Variants in MAST4 observed in about 807,000 individuals in gnomAD.
MAST4 encodes the protein microtubule associated serine/threonine kinase family member 4, also known as microtubule-associated serine/threonine-protein kinase 4.
A neutral mutation model predicts 162.7 loss-of-function variants in MAST4; 89 were observed. The observed-to-expected ratio is 0.55, with a 90% CI of 0.46 to 0.65. The LOEUF (loss-of-function observed/expected upper bound fraction) is 0.65, where lower values mean the gene tolerates loss of function less well. Ranked by LOEUF, MAST4 falls within the 30% of genes least tolerant of loss-of-function variation. The pLI, the probability that MAST4 is intolerant of heterozygous loss-of-function variation, is 0.00. For synonymous variants in MAST4, 1,479 were observed against 1,361.1 expected, an observed-to-expected ratio of 1.09 and a Z score of -1.91; for missense variants, 3,153 against 3,374.0, an observed-to-expected ratio of 0.93 and a Z score of 1.62.
At chr5:66,763,518 T>A (rs573697591) in intron 2 of MAST4, among the ~76,000 whole-genome samples, 2 of 152,294 alleles carry the variant, frequency 1.3e-5, no homozygotes, top group South Asian at 4.1e-4. Flanking sequence ...TCATATTATC[T>A]AAATAGCTGG....
At chr5:66,893,417 C>T (rs540147977) in intron 3 of MAST4, among the ~76,000 whole-genome samples, 48 of 151,216 alleles carry the variant, frequency 3.2e-4, no homozygotes, top group Admixed American at 6.6e-4. Flanking sequence ...TTGGTAGAGA[C>T]GGGTTTCACC....
chr5:66,667,634 G>A (rs1042675415), intron 1 of MAST4, among the ~76,000 whole-genome samples: 1 of 152,102 alleles, frequency 6.6e-6, no homozygotes, highest in Non-Finnish European at 1.5e-5. Context: ...TGTTGATGCC[G>A]AGTTCCTACT....
In MAST4 at chr5:67,165,129, G is replaced by C; in HGVS notation, c.5950G>C (p.Glu1984Gln). The C allele has an allele frequency of 6.9e-6, 11 of 1,589,386 alleles. No individual in the cohort carries two copies. Among genetic ancestry groups the C allele is most frequent in the Non-Finnish European group, 7.7e-6 (9 of 1,167,718 alleles). The change falls in exon 29 of 29, where the codon GAG (glutamate) becomes CAG (glutamine). Residue 1984 changes from glutamate (E) to glutamine (Q), a missense_variant. Physicochemically the swap from Glu to Gln is conservative, Grantham distance 29. Coordinates refer to ENST00000403625, the MANE Select transcript of MAST4 (RefSeq NM_001164664.2). ...AAGAGGCCCTCCCACAGCCAGAAGC[G>C]AGCGCTCTGCTGCGAGGGCTGACAC... ...SERGPPTARS[E>Q]RSAARADTCR...
chr5:67,053,212 A>G (rs1387078189), intron 4 of MAST4, among the ~76,000 whole-genome samples: 2 of 152,234 alleles, frequency 1.3e-5, no homozygotes, highest in Non-Finnish European at 2.9e-5. Context: ...TTGACAAATG[A>G]TAATAAGCAG....
At chr5:66,662,736 T>C (rs1746990571) in intron 1 of MAST4, 2 of 152,240 alleles carry the variant, frequency 1.3e-5, no homozygotes, top group South Asian at 4.1e-4. Flanking sequence ...CTGTAGATTA[T>C]TAGCTACAGA....
Position 66,616,076 on chromosome 5 carries a change from A to G in MAST4, c.363+19058A>G, listed in dbSNP as rs563009099. Among the ~76,000 whole-genome samples, 8 of 152,346 alleles carry G rather than the reference A, an allele frequency of 5.3e-5. No homozygotes were observed. The South Asian group carries it at 1.7e-3, about 32-fold the overall frequency. ...CCACAGCAGTTGCCTCCCAGTATGC[A>G]ATAAATCTTTGTTGAACAAATAAAT... On this transcript the variant is annotated intron_variant, in intron 1 of 28. Coordinates refer to ENST00000403625, the MANE Select transcript of MAST4 (RefSeq NM_001164664.2).
intron 4 of MAST4, among the ~76,000 whole-genome samples, chr5:66,940,293 A>C (rs978284856): frequency 6.6e-6 from 1 of 152,096 alleles, no homozygotes; most frequent in South Asian, 2.1e-4. Flanking sequence ...AATTTCTTGA[A>C]ATAATTCAAC....
chr5:66,618,706 A>T (rs551870291), intron 1 of MAST4, among the ~76,000 whole-genome samples: 56 of 152,336 alleles, frequency 3.7e-4, no homozygotes, highest in African/African-American at 1.3e-3. Flanking sequence ...CTCAAATAGC[A>T]AGGCAGCTAT....
intron 3 of MAST4, among the ~76,000 whole-genome samples, chr5:66,837,492 A>G (rs377542895): frequency 1.4e-4 from 21 of 152,218 alleles, no homozygotes; most frequent in Admixed American, 1.1e-3. Flanking sequence ...AGCACCATCA[A>G]TGAAAGGTCC....
intron 1 of MAST4, among the ~76,000 whole-genome samples, chr5:66,739,388 G>C (rs1752352082): frequency 6.6e-6 from 1 of 152,190 alleles, no homozygotes; most frequent in Admixed American, 6.5e-5. Context: ...AAAAAGAGGA[G>C]ATGAGTAACA....
chr5:66,736,947 A>G (rs182482425), intron 1 of MAST4, among the ~76,000 whole-genome samples: 15 of 152,340 alleles, frequency 9.8e-5, no homozygotes, highest in Admixed American at 7.8e-4. Flanking sequence ...TCCGAGTCAT[A>G]TGGGTTGGTA....
intron 4 of MAST4, among the ~76,000 whole-genome samples, chr5:67,028,322 C>A (rs573818530): frequency 4.6e-5 from 7 of 152,168 alleles, no homozygotes; most frequent in Admixed American, 3.9e-4. Context: ...AGTTGAGGAG[C>A]AATTCCATTA....
chr5:66,719,428 G>A (rs1014568643), intron 1 of MAST4, among the ~76,000 whole-genome samples: 5 of 152,148 alleles, frequency 3.3e-5, no homozygotes, highest in Non-Finnish European at 7.3e-5. Flanking sequence ...TAAACTATCA[G>A]CTGAGTAAAC....
At position 67,169,177 on chromosome 5, in the gene MAST4, A is replaced by G. The variant is rs1581810404; in HGVS notation, c.*2126A>G. On this transcript the variant is annotated 3_prime_UTR_variant, in exon 29 of 29. Coordinates refer to ENST00000403625, the MANE Select transcript of MAST4 (RefSeq NM_001164664.2). Reference sequence around the variant, plus strand: ...CAAGCCTTTGCTTTTTAACTGTCCAATTTCCTTTAAAGCACAACTAGCTAT... The same window carrying G: ...CAAGCCTTTGCTTTTTAACTGTCCAGTTTCCTTTAAAGCACAACTAGCTAT... The G allele has an allele frequency of 6.6e-6, 1 of 152,334 alleles. No homozygotes were observed. Among genetic ancestry groups the G allele is most frequent in the Admixed American group, 6.5e-5 (1 of 15,296 alleles). The allele number at this position is 152,334 out of a possible 1,614,324, so 9.4% of individuals were successfully genotyped here. A position where few individuals can be genotyped will look rare whatever the true frequency, so the allele number is the denominator to read the frequency against.
intron 3 of MAST4, among the ~76,000 whole-genome samples, chr5:66,877,257 AGG>A (rs1468487138): frequency 1.3e-5 from 2 of 152,174 alleles, no homozygotes; most frequent in Admixed American, 6.5e-5. Context: ...GCCACCTGTA[AGG>A]TAAGTACTGC....
chr5:66,685,364 A>T (rs1748589752), intron 1 of MAST4, among the ~76,000 whole-genome samples: 1 of 152,184 alleles, frequency 6.6e-6, no homozygotes, highest in South Asian at 2.1e-4. Flanking sequence ...ACACAGTCAA[A>T]TGAGTTCTTC....
chr5:67,163,449 G>A lies in MAST4; in HGVS notation c.4270G>A (p.Val1424Ile). Residue 1424 changes from valine to isoleucine, a missense_variant, in exon 29 of 29, where the codon GTC (valine) becomes ATC (isoleucine). Physicochemically the swap from Val to Ile is conservative, Grantham distance 29. Coordinates refer to ENST00000403625, the MANE Select transcript of MAST4 (RefSeq NM_001164664.2). This position sits in a 1 kb window ranked among gnomAD's most constrained non-coding sequence, Gnocchi z 7.0. Reference protein sequence around the residue: ...PSKMHSPPTIVRHIVRPKSAE... With the variant: ...PSKMHSPPTIIRHIVRPKSAE... ...CAAGATGCACTCCCCGCCCACCATC[G>A]TCAGACACATCGTGAGGCCCAAGAG... 1.9e-6 allele frequency: 3 copies of A among 1,613,368 alleles called. No homozygotes were observed. The highest frequency in any genetic ancestry group is 1.1e-5 in the South Asian group (1 of 91,066).
At chr5:66,769,128 C>T (rs954612734) in intron 2 of MAST4, among the ~76,000 whole-genome samples, 13 of 152,174 alleles carry the variant, frequency 8.5e-5, no homozygotes, top group Non-Finnish European at 1.3e-4. Context: ...AGCCGGTCTA[C>T]GTGTTTGTGC....
chr5:67,135,063 T>A (rs763532993), intron 18 of MAST4, among the ~76,000 whole-genome samples: 4 of 152,176 alleles, frequency 2.6e-5, no homozygotes, highest in South Asian at 2.1e-4. Flanking sequence ...GTGGGTAACA[T>A]TTACATAAAT....
Sources: gnomAD v4.1 joint callset for allele counts (sites outside exome capture counted in the v4.1 genomes callset) on GRCh38, gnomAD v4.1.1 for gene constraint, Gnocchi (gnomAD v3.1) non-coding constraint, MANE v1.5 for transcripts, NCBI Gene and HGNC (gene_info 2026-07-23, HGNC 2026-07-21) for gene names.